Variants in SMYD3 observed in about 807,000 individuals in gnomAD.
SMYD3 encodes histone-lysine N-methyltransferase SMYD3.
Under a neutral mutation model 57.7 loss-of-function variants are expected in SMYD3, and 36 were observed. The observed-to-expected ratio is 0.62, with a 90% CI of 0.48 to 0.82. The LOEUF (loss-of-function observed/expected upper bound fraction) is 0.82. Ranked by LOEUF, SMYD3 falls within the 40% of genes least tolerant of loss-of-function variation. The pLI, the probability that SMYD3 is intolerant of heterozygous loss-of-function variation, is 0.00. For missense variants in SMYD3, 515 were observed against 538.8 expected, an observed-to-expected ratio of 0.96 and a Z score of 0.44; for synonymous variants, 211 against 195.0, an observed-to-expected ratio of 1.08 and a Z score of -0.68.
At chr1:246,463,584 G>A (rs1437360234) in intron 1 of SMYD3, among the ~76,000 whole-genome samples, 3 of 150,522 alleles carry the variant, frequency 2.0e-5, no homozygotes, top group Non-Finnish European at 3.0e-5. Context: ...TTGGGAGGCC[G>A]AGGCGGGCGG....
At chr1:245,943,427 G>C (rs1310818268) in intron 5 of SMYD3, among the ~76,000 whole-genome samples, 1 of 151,974 alleles carries the variant, frequency 6.6e-6, no homozygotes, top group East Asian at 1.9e-4. Flanking sequence ...ATCCTCCCAA[G>C]ACTAAAGCAG....
chr1:246,198,567 T>G (rs1474844568), intron 5 of SMYD3, among the ~76,000 whole-genome samples: 1 of 152,220 alleles, frequency 6.6e-6, no homozygotes, highest in Non-Finnish European at 1.5e-5. Flanking sequence ...AACCAATGAA[T>G]GCTTCTTAAA....
intron 5 of SMYD3, among the ~76,000 whole-genome samples, chr1:246,040,088 C>T (rs1030760458): frequency 6.6e-6 from 1 of 152,196 alleles, no homozygotes; most frequent in Non-Finnish European, 1.5e-5. Flanking sequence ...ATTCAGTCAA[C>T]CTTACAAGAT....
chr1:246,276,549 AT>A (rs1264828842), intron 5 of SMYD3, among the ~76,000 whole-genome samples: 2 of 150,292 alleles, frequency 1.3e-5, no homozygotes, highest in African/African-American at 4.9e-5. Context: ...CTGGCAAGTT[AT>A]TTAATGTTTC....
intron 1 of SMYD3, among the ~76,000 whole-genome samples, chr1:246,365,748 G>C (rs2066090926): frequency 6.6e-6 from 1 of 152,094 alleles, no homozygotes. Context: ...AATTAAATCA[G>C]TATCTTTATT....
At chr1:246,392,551 G>A (rs916341558) in intron 1 of SMYD3, among the ~76,000 whole-genome samples, 6 of 151,996 alleles carry the variant, frequency 3.9e-5, no homozygotes, top group Admixed American at 3.3e-4. Flanking sequence ...GTGCTCAAGC[G>A]ATCCTCCCAG....
At chr1:246,452,764 C>T (rs1225907215) in intron 1 of SMYD3, among the ~76,000 whole-genome samples, 8 of 152,102 alleles carry the variant, frequency 5.3e-5, no homozygotes, top group Non-Finnish European at 1.2e-4. Flanking sequence ...CTGATTTTAA[C>T]GCTTAGCAAA....
chr1:246,103,004 G>A (rs1040297389), intron 5 of SMYD3, among the ~76,000 whole-genome samples: 1 of 152,148 alleles, frequency 6.6e-6, no homozygotes, highest in Non-Finnish European at 1.5e-5. Flanking sequence ...CCACACTGCT[G>A]TATTTAAGTG....
At chr1:245,754,106 C>G (rs2045512149) in intron 11 of SMYD3, among the ~76,000 whole-genome samples, 1 of 152,084 alleles carries the variant, frequency 6.6e-6, no homozygotes, top group East Asian at 1.9e-4. Flanking sequence ...ACATTACAGG[C>G]ATACAGTTAA....
At chr1:246,102,561 C>T (rs2147940790) in intron 5 of SMYD3, among the ~76,000 whole-genome samples, 1 of 152,180 alleles carries the variant, frequency 6.6e-6, no homozygotes, top group Non-Finnish European at 1.5e-5. Flanking sequence ...ACCCTACAGT[C>T]CCTTCTTGGA....
intron 5 of SMYD3, among the ~76,000 whole-genome samples, chr1:246,227,733 C>T (rs192335018): frequency 7.4e-4 from 112 of 152,206 alleles, no homozygotes; most frequent in African/African-American, 2.6e-3. Context: ...TTTTAGCCAT[C>T]TTATTAACAG....
intron 5 of SMYD3, among the ~76,000 whole-genome samples, chr1:245,983,242 T>C (rs1376472193): frequency 6.6e-6 from 1 of 152,214 alleles, no homozygotes; most frequent in Admixed American, 6.5e-5. Flanking sequence ...TGTGTTCCCA[T>C]ATTAGAATTA....
intron 10 of SMYD3, among the ~76,000 whole-genome samples, chr1:245,848,125 G>A (rs2050759786): frequency 6.6e-6 from 1 of 150,848 alleles, no homozygotes; most frequent in Admixed American, 6.6e-5. Context: ...TTGGAGACAG[G>A]GTCTCATGCT....
At position 245,749,513 on chromosome 1, in the gene SMYD3, T is replaced by C; in HGVS notation, c.*50A>G. On this transcript the variant is annotated 3_prime_UTR_variant, in exon 12 of 12. Transcript: ENST00000490107. ...CAAAGCATAGAGTGTGTGACCTCAATAAGGCATTCAACAAAGACACACGCC... is the reference window on the plus strand; with the variant it reads ...CAAAGCATAGAGTGTGTGACCTCAACAAGGCATTCAACAAAGACACACGCC... 7.2e-7 allele frequency: 1 copy of C among 1,391,934 alleles called. No homozygotes were observed. Among genetic ancestry groups the C allele is most frequent in the Non-Finnish European group, 1.0e-6 (1 of 977,900 alleles). 86.2% of individuals were successfully genotyped at this position (1,391,934 alleles called of 1,614,324 possible). A position where few individuals can be genotyped will look rare whatever the true frequency, so the allele number is the denominator to read the frequency against.
At chr1:246,027,624 A>G (rs1350025031) in intron 5 of SMYD3, among the ~76,000 whole-genome samples, 1 of 152,190 alleles carries the variant, frequency 6.6e-6, no homozygotes, top group East Asian at 1.9e-4. Context: ...CTTGTGACCT[A>G]CTGCTCAGGA....
At chr1:245,805,990 C>T (rs910129921) in intron 10 of SMYD3, among the ~76,000 whole-genome samples, 22 of 152,220 alleles carry the variant, frequency 1.4e-4, no homozygotes, top group African/African-American at 5.3e-4. Flanking sequence ...CCTACCCCAT[C>T]ATCTGATCAA....
chr1:246,144,305 A>G (rs892794376), intron 5 of SMYD3, among the ~76,000 whole-genome samples: 6 of 152,180 alleles, frequency 3.9e-5, no homozygotes, highest in African/African-American at 1.4e-4. Flanking sequence ...TCTCAATTAA[A>G]TTTATTGAAT....
At chr1:246,336,676 G>A (rs1204238953) in intron 2 of SMYD3, among the ~76,000 whole-genome samples, 1 of 152,126 alleles carries the variant, frequency 6.6e-6, no homozygotes, top group Non-Finnish European at 1.5e-5. Context: ...AACGAAGCAC[G>A]TTTCACTTGA....
At chr1:246,345,157 T>A (rs1558413861) in intron 2 of SMYD3, among the ~76,000 whole-genome samples, 1 of 152,220 alleles carries the variant, frequency 6.6e-6, no homozygotes, top group African/African-American at 2.4e-5. Flanking sequence ...GTACCCCATA[T>A]CCAAAGAGTT....
Sources: gnomAD v4.1 joint callset for allele counts (sites outside exome capture counted in the v4.1 genomes callset) on GRCh38, gnomAD v4.1.1 for gene constraint, MANE v1.5 for transcripts, NCBI Gene and HGNC (gene_info 2026-07-23, HGNC 2026-07-21) for gene names.